The following THSD4 variants were observed in gnomAD, a reference collection of about 807,000 sequenced individuals.
THSD4 encodes thrombospondin type-1 domain-containing protein 4.
In THSD4, 69 loss-of-function variants were observed where a neutral mutation model predicts 119.0. The observed-to-expected ratio is 0.58, with a 90% CI of 0.48 to 0.71. The LOEUF (loss-of-function observed/expected upper bound fraction) is 0.71. Ranked by LOEUF, THSD4 falls within the 30% of genes least tolerant of loss-of-function variation. The probability of loss-of-function intolerance (pLI) is 0.00; values close to 1 mark genes in which losing one functional copy is unlikely to be tolerated. For synonymous variants in THSD4, 524 were observed against 540.4 expected (o/e 0.97, Z 0.42); for missense variants, 1,393 against 1,391.1 (o/e 1.00, Z -0.02).
In THSD4 at chr15:71,389,810, G is replaced by GTTTTTGTTTTTTTTT. The variant is rs1555408978; in HGVS notation, c.1016-21872_1016-21871insGTTTTTTTTTTTTTT. ...GCCAACACTTGCTATTTTCTGGGTT[G>GTTTTTGTTTTTTTTT]TTTTTTTTTTTTTTTTTGACACAGA... On this transcript the variant is annotated intron_variant, in intron 6 of 17. Transcript: ENST00000261862. Among the ~76,000 whole-genome samples the GTTTTTGTTTTTTTTT allele has an allele frequency of 3.4e-5, 3 of 88,024 alleles. No homozygotes were observed. The South Asian group carries it at 1.5e-3, about 43-fold the overall frequency. The allele number at this position is 88,024 out of a possible 152,430, so 57.7% of individuals were successfully genotyped here.
intron 6 of THSD4, among the ~76,000 whole-genome samples, chr15:71,396,154 A>G (rs1244163470): frequency 6.6e-6 from 1 of 152,140 alleles, no homozygotes; most frequent in Non-Finnish European, 1.5e-5. Context: ...ATGTATACAT[A>G]CATGTAGACA....
intron 7 of THSD4, among the ~76,000 whole-genome samples, chr15:71,604,358 T>C (rs978529501): frequency 3.3e-5 from 5 of 152,216 alleles, no homozygotes; most frequent in African/African-American, 1.2e-4. Flanking sequence ...TACAGATTGT[T>C]TTGCCATCTT....
chr15:71,534,873 C>T (rs12442875), intron 7 of THSD4, among the ~76,000 whole-genome samples: 62,510 of 151,934 alleles, frequency 0.41, 14,261 homozygotes, highest in East Asian at 0.78. Context: ...GGTATGAGAA[C>T]CACTTGAACC....
At chr15:71,359,425 G>T (rs140979520) in intron 6 of THSD4, among the ~76,000 whole-genome samples, 14 of 152,106 alleles carry the variant, frequency 9.2e-5, no homozygotes, top group Non-Finnish European at 1.5e-4. Context: ...AGCTGTATTC[G>T]TACCATTTTA....
intron 7 of THSD4, among the ~76,000 whole-genome samples, chr15:71,539,769 C>T (rs557938909): frequency 6.6e-6 from 1 of 152,286 alleles, no homozygotes; most frequent in East Asian, 1.9e-4. Flanking sequence ...TTAGAGTTTG[C>T]TATAAAGCCC....
At chr15:71,149,735 A>G (rs2040701603) in intron 2 of THSD4, among the ~76,000 whole-genome samples, 1 of 151,876 alleles carries the variant, frequency 6.6e-6, no homozygotes, top group Non-Finnish European at 1.5e-5. Context: ...TTGTTTTGTT[A>G]CTTGATATGC....
chr15:71,691,104 C>T (rs984617819), intron 8 of THSD4, among the ~76,000 whole-genome samples: 18 of 152,030 alleles, frequency 1.2e-4, no homozygotes, highest in African/African-American at 3.9e-4. Flanking sequence ...GGCTGAACTG[C>T]GGGCTTTGCA....
chr15:71,230,082 A>G (rs1053725467), intron 4 of THSD4, among the ~76,000 whole-genome samples: 1 of 152,144 alleles, frequency 6.6e-6, no homozygotes, highest in African/African-American at 2.4e-5. Context: ...AGGTTCCTTC[A>G]ACCTGCCGGG....
chr15:71,441,610 G>A (rs1052214912), intron 7 of THSD4, among the ~76,000 whole-genome samples: 1 of 151,752 alleles, frequency 6.6e-6, no homozygotes, highest in African/African-American at 2.4e-5. Context: ...GGCCAGGCTG[G>A]TCTCGAACTG....
intron 8 of THSD4, among the ~76,000 whole-genome samples, chr15:71,671,581 T>C (rs2051529599): frequency 6.6e-6 from 1 of 152,270 alleles, no homozygotes; most frequent in South Asian, 2.1e-4. Flanking sequence ...TGAATTGTAT[T>C]GCCTAGGTTT....
At chr15:71,752,226 A>G (rs1340279968) in intron 14 of THSD4, among the ~76,000 whole-genome samples, 2 of 152,240 alleles carry the variant, frequency 1.3e-5, no homozygotes, top group Non-Finnish European at 2.9e-5. Context: ...TGTCTCCCAC[A>G]TTTATTTAGA....
At chr15:71,582,267 C>T (rs1014919816) in intron 7 of THSD4, among the ~76,000 whole-genome samples, 2 of 151,954 alleles carry the variant, frequency 1.3e-5, no homozygotes, top group Admixed American at 6.6e-5. Flanking sequence ...TTGTTTTCTT[C>T]ATTTCTTTTT....
intron 7 of THSD4, among the ~76,000 whole-genome samples, chr15:71,564,443 G>A (rs530571123): frequency 6.6e-6 from 1 of 152,274 alleles, no homozygotes; most frequent in Admixed American, 6.5e-5. Flanking sequence ...GAGTTTCTCA[G>A]TTGAAGAAGA....
At chr15:71,215,790 G>T (rs997386122) in intron 4 of THSD4, among the ~76,000 whole-genome samples, 9 of 152,220 alleles carry the variant, frequency 5.9e-5, no homozygotes, top group Admixed American at 5.9e-4. Context: ...GAAGAAGTGT[G>T]TCTAACCGGA....
At chr15:71,112,261 T>C (rs751423768), upstream of THSD4, 4 of 1,584,382 alleles carry the variant, frequency 2.5e-6, no homozygotes, top group Non-Finnish European at 3.4e-6. Context: ...GACAGTCTTC[T>C]ATAGGATGTC....
chr15:71,311,156 C>G (rs1378792587), intron 6 of THSD4, among the ~76,000 whole-genome samples: 1 of 152,146 alleles, frequency 6.6e-6, no homozygotes, highest in East Asian at 1.9e-4. Context: ...CGTCAAAGTT[C>G]TAACCATCGT....
chr15:71,728,451 A>G, intron 8 of THSD4, 98 bp from the exon 9 acceptor site: 1 of 1,440,428 alleles, frequency 6.9e-7, no homozygotes, highest in Non-Finnish European at 9.5e-7. Flanking sequence ...CCTGTCAAAA[A>G]CCTTGATGAA....
At chr15:71,736,793 G>C (rs1208902325) in intron 10 of THSD4, among the ~76,000 whole-genome samples, 1 of 152,246 alleles carries the variant, frequency 6.6e-6, no homozygotes, top group Non-Finnish European at 1.5e-5. Context: ...GGAAGGGAAA[G>C]CTGTTGACTT....
intron 7 of THSD4, among the ~76,000 whole-genome samples, chr15:71,413,723 T>A (rs1024141762): frequency 1.1e-4 from 17 of 152,206 alleles, no homozygotes; most frequent in Admixed American, 2.0e-4. Flanking sequence ...GAGCAAACCC[T>A]GAAAGAATTA....
Sources: allele counts gnomAD v4.1 joint callset (sites outside exome capture counted in the v4.1 genomes callset), GRCh38; gene constraint gnomAD v4.1.1; transcripts MANE v1.5; gene names NCBI Gene and HGNC (gene_info 2026-07-23, HGNC 2026-07-21).